FGF13: variants seen among roughly 807,000 people sequenced by gnomAD.
FGF13 encodes the protein fibroblast growth factor homologous factor 2.
Under a neutral mutation model 19.5 loss-of-function variants are expected in FGF13, and 2 were observed. The ratio of observed to expected loss-of-function variants is 0.10; its 90% confidence interval spans 0.04 to 0.32. The LOEUF (loss-of-function observed/expected upper bound fraction) is 0.32, where lower values mean the gene tolerates loss of function less well. Ranked by LOEUF, FGF13 falls within the 10% of genes least tolerant of loss-of-function variation. FGF13 has a pLI of 1.00. For synonymous variants in FGF13, 72 were observed against 76.9 expected, an observed-to-expected ratio of 0.94 and a Z score of 0.33; for missense variants, 113 against 192.7, an observed-to-expected ratio of 0.59 and a Z score of 2.45.
chrX:138,707,533 T>C (rs1330033983), intron 2 of FGF13, among the ~76,000 whole-genome samples: 1 of 111,958 alleles, frequency 8.9e-6, no homozygotes, highest in Non-Finnish European at 1.9e-5. Context: ...TTGCAGATGA[T>C]CACTATACAC....
intron 1 of FGF13, among the ~76,000 whole-genome samples, chrX:138,963,465 C>T (rs1288027177): frequency 8.9e-6 from 1 of 112,613 alleles, no homozygotes; most frequent in African/African-American, 3.2e-5. Flanking sequence ...TTGACCCCAC[C>T]TTGCCACAGC....
chrX:139,169,691 T>A (rs2084114395), intron 1 of FGF13, among the ~76,000 whole-genome samples: 1 of 111,050 alleles, frequency 9.0e-6, no homozygotes, highest in Non-Finnish European at 1.9e-5. Context: ...AAACGATTGT[T>A]CAAAATGCCT....
At chrX:139,199,761 C>T (rs772329848) in intron 1 of FGF13, among the ~76,000 whole-genome samples, 40 of 111,524 alleles carry the variant, frequency 3.6e-4, no homozygotes, top group Non-Finnish European at 7.0e-4. Context: ...TCCAACCTCA[C>T]CCACATCTCC....
At chrX:138,787,674 G>A (rs747436529) in intron 3 of FGF13, among the ~76,000 whole-genome samples, 30 of 111,173 alleles carry the variant, frequency 2.7e-4, no homozygotes, top group African/African-American at 9.5e-4. Context: ...AGTCCTGCAT[G>A]CATTAGGTAT....
intron 3 of FGF13, among the ~76,000 whole-genome samples, chrX:138,846,201 G>GTGTGTGTA (rs1318868936): frequency 7.3e-5 from 8 of 109,312 alleles, no homozygotes; most frequent in Admixed American, 9.9e-5. Context: ...GTGTGTGTGT[G>GTGTGTGTA]TGTGTGTGTG....
chrX:139,026,745 T>C (rs1311720754), intron 1 of FGF13, among the ~76,000 whole-genome samples: 1 of 111,881 alleles, frequency 8.9e-6, no homozygotes, highest in African/African-American at 3.2e-5. Flanking sequence ...CTCCCATGGC[T>C]GGCAGGCACA....
At chrX:138,816,682 C>T (rs1224043118) in intron 3 of FGF13, among the ~76,000 whole-genome samples, 1 of 112,514 alleles carries the variant, frequency 8.9e-6, no homozygotes, top group East Asian at 2.8e-4. Context: ...GCCCATGGGC[C>T]GCATGAGGCC....
chrX:138,789,191 A>T (rs1005402239), intron 3 of FGF13, among the ~76,000 whole-genome samples: 3 of 110,484 alleles, frequency 2.7e-5, no homozygotes, highest in Admixed American at 9.6e-5. Flanking sequence ...TTTATTTTAG[A>T]CAGAGTCTCC....
upstream of FGF13, among the ~76,000 whole-genome samples, chrX:138,742,863 T>C (rs958358884): frequency 4.5e-5 from 5 of 112,078 alleles, no homozygotes; most frequent in Non-Finnish European, 7.5e-5. Flanking sequence ...CAGAAGCCGC[T>C]GTAAACAGAT....
intron 1 of FGF13, among the ~76,000 whole-genome samples, chrX:138,884,732 C>A (rs887078183): frequency 5.4e-5 from 6 of 111,946 alleles, no homozygotes; most frequent in African/African-American, 1.6e-4. Flanking sequence ...TTCACACACA[C>A]AATTGCAAGA....
chrX:138,614,903 A>T lies in FGF13; in HGVS notation c.*17947T>A, dbSNP rs1481412780. ...CAACAGTTTGGATGCATCTCAAGGG[A>T]ATTGTGCTGAGTGACAAAAGCCAAT... On this transcript the variant is annotated 3_prime_UTR_variant, in exon 5 of 5. Coordinates refer to ENST00000315930, the MANE Select transcript of FGF13 (RefSeq NM_004114.5). 1 of 112,291 alleles carries T rather than the reference A, an allele frequency of 8.9e-6. No homozygotes were observed. The highest frequency in any genetic ancestry group is 9.4e-5 in the Admixed American group (1 of 10,593). The allele number at this position is 112,291 out of a possible 1,213,427, so 9.3% of individuals were successfully genotyped here.
intron 1 of FGF13, among the ~76,000 whole-genome samples, chrX:139,136,267 A>G (rs1275189416): frequency 9.0e-6 from 1 of 111,355 alleles, no homozygotes; most frequent in Non-Finnish European, 1.9e-5. Flanking sequence ...TGAATTCTAT[A>G]GTGGTGAATT....
intron 2 of FGF13, among the ~76,000 whole-genome samples, chrX:138,706,781 G>C (rs1294371057): frequency 1.8e-5 from 2 of 111,840 alleles, no homozygotes; most frequent in Non-Finnish European, 3.8e-5. Context: ...TTTCATGATG[G>C]CTTATGCCCC....
At chrX:138,800,708 C>A (rs2090821709) in intron 3 of FGF13, among the ~76,000 whole-genome samples, 2 of 112,008 alleles carry the variant, frequency 1.8e-5, no homozygotes, top group South Asian at 7.5e-4. Context: ...CTTTCAGGTA[C>A]ACCAATCAAT....
intron 1 of FGF13, among the ~76,000 whole-genome samples, chrX:138,871,877 G>T (rs987210821): frequency 8.9e-6 from 1 of 112,120 alleles, no homozygotes; most frequent in Admixed American, 9.5e-5. Flanking sequence ...GTAGGCCATT[G>T]TAACAGCTCT....
At chrX:139,083,100 T>A (rs1013648088) in intron 1 of FGF13, among the ~76,000 whole-genome samples, 1 of 110,851 alleles carries the variant, frequency 9.0e-6, no homozygotes, top group Non-Finnish European at 1.9e-5. Flanking sequence ...CTCCTCCCCC[T>A]CTTACCTTTT....
chrX:138,901,989 G>A (rs2091533733), intron 1 of FGF13, among the ~76,000 whole-genome samples: 1 of 112,453 alleles, frequency 8.9e-6, no homozygotes, highest in South Asian at 3.7e-4. Context: ...AATTTGGTAT[G>A]TAGTAATTGG....
intron 1 of FGF13, among the ~76,000 whole-genome samples, chrX:139,044,449 G>A (rs930226871): frequency 9.0e-6 from 1 of 111,436 alleles, no homozygotes; most frequent in Non-Finnish European, 1.9e-5. Context: ...ACCAGTCCAT[G>A]AGACATCTGC....
rs186048680 is a variant in FGF13, at chrX:138,938,387, G to A, written c.-112-73737C>T. 7.1e-3 allele frequency among the ~76,000 whole-genome samples: 790 copies of A among 111,725 alleles called. 8 individuals are homozygous for A. The highest frequency in any genetic ancestry group is 0.024 in the African/African-American group (738 of 30,743). ...TAAGTCCTTCTTCCAGCTTTTGGGG[G>A]AAACTTAGTCTGCCTGCCAAATACC... On this transcript the variant is annotated intron_variant, in intron 1 of 2. Transcript: ENST00000421460.
Sources: allele counts gnomAD v4.1 joint callset (sites outside exome capture counted in the v4.1 genomes callset), GRCh38; gene constraint gnomAD v4.1.1; transcripts MANE v1.5; gene names NCBI Gene and HGNC (gene_info 2026-07-23, HGNC 2026-07-21).